The following KIF21B variants were observed in gnomAD, a reference collection of about 807,000 sequenced individuals.
KIF21B encodes the protein kinesin family member 21B.
In KIF21B, 85 loss-of-function variants were observed where a neutral mutation model predicts 192.9. The ratio of observed to expected loss-of-function variants is 0.44; its 90% CI spans 0.37 to 0.53. The LOEUF (loss-of-function observed/expected upper bound fraction) is 0.53. Among genes scored for constraint, KIF21B ranks in the 20% least tolerant of loss-of-function variants. The pLI is 0.00. For missense variants in KIF21B, 1,716 were observed against 2,194.8 expected (o/e 0.78, Z 4.36); for synonymous variants, 832 against 884.6 (o/e 0.94, Z 1.05).
chr1:200,983,548 C>A (rs191314515), intron 27 of KIF21B, among the ~76,000 whole-genome samples: 3 of 152,298 alleles, frequency 2.0e-5, no homozygotes, highest in Admixed American at 2.0e-4. Flanking sequence ...CCAGCAATTC[C>A]TCAGGGGCTC....
intron 1 of KIF21B, among the ~76,000 whole-genome samples, chr1:201,016,564 G>C (rs1658516675): frequency 6.6e-6 from 1 of 152,206 alleles, no homozygotes; most frequent in South Asian, 2.1e-4. Context: ...AGACACCCGG[G>C]GGCTTTTAGC....
chr1:201,008,832 C>G lies in KIF21B; in HGVS notation c.384G>C (p.Lys128Asn). Residue 128 changes from lysine to asparagine, a missense_variant, in exon 3 of 35, where the codon AAG becomes AAC. Lys to Asn is a moderately conservative substitution (Grantham distance 94). This residue lies in a region of KIF21B where 1,087 missense variants were observed against 1,316.6 expected (regional missense o/e 0.83). Coordinates refer to ENST00000461742, the MANE Select transcript of KIF21B (RefSeq NM_001252102.2). ...CCACGCCCTGCTCCTGTGCCCGGCG[C>G]TTGCGCTCGGCAATGCCCCCAAAGA... ...AHLFGGIAER[K>N]RRAQEQGVAG... The G allele has an allele frequency of 2.5e-6, 4 of 1,608,492 alleles. No individual in the cohort carries two copies. Among genetic ancestry groups the G allele is most frequent in the South Asian group, 1.1e-5 (1 of 91,082 alleles).
chr1:200,997,822 C>T (rs1442527208), intron 14 of KIF21B, among the ~76,000 whole-genome samples: 2 of 152,304 alleles, frequency 1.3e-5, no homozygotes, highest in East Asian at 3.9e-4. Context: ...CTATACTTAT[C>T]ACCATTTGAC....
chr1:201,013,977 G>A (rs885027), intron 1 of KIF21B, among the ~76,000 whole-genome samples: 5,611 of 152,240 alleles, frequency 0.037, 224 homozygotes, highest in East Asian at 0.12. Flanking sequence ...CTGCCAGGAG[G>A]GAGGGCCGGC....
chr1:201,000,579 T>C lies in KIF21B; in HGVS notation c.1496A>G (p.Asn499Ser), dbSNP rs1175085100. The part of the protein sequence containing the change: ...RTKLLESEAM[N>S]ESLRRSLSRA... ...TGAGAGGCTGCGGCGCAGGGACTCG[T>C]TCATGGCTTCACTCTCTAGAAGCTT... The change falls in exon 11 of 35, where the codon AAC becomes AGC. Residue 499 changes from asparagine to serine, a missense_variant. Transcript: ENST00000461742. The surrounding 1 kb of genome is among the most constrained non-coding windows in gnomAD (Gnocchi z 6.0). 11 of 1,613,294 alleles carry C rather than the reference T, an allele frequency of 6.8e-6. No individual in the cohort carries two copies. The highest frequency in any genetic ancestry group is 8.5e-6 in the Non-Finnish European group (10 of 1,179,922).
chr1:200,994,163 G>A (rs1656894984), intron 15 of KIF21B, among the ~76,000 whole-genome samples: 2 of 152,240 alleles, frequency 1.3e-5, no homozygotes, highest in Admixed American at 1.3e-4. Flanking sequence ...CAGAGGCAAA[G>A]GTCTCAGAAC....
At chr1:200,973,917 G>A in intron 34 of KIF21B, 1 of 1,495,776 alleles carries the variant, frequency 6.7e-7, no homozygotes, top group Admixed American at 2.2e-5. Context: ...AAAGGACGGT[G>A]GGTGCAGGAG....
rs775683242 is a variant in KIF21B, at chr1:200,975,416, G to C, written c.4614+83C>G. 1.7e-4 allele frequency: 222 copies of C among 1,334,196 alleles called. No individual in the cohort carries two copies. The highest frequency in any genetic ancestry group is 2.2e-4 in the Non-Finnish European group (213 of 959,046). The allele number at this position is 1,334,196 out of a possible 1,614,324, so 82.6% of individuals were successfully genotyped here. On this transcript the variant is annotated intron_variant, in intron 33 of 34. Transcript: ENST00000461742. This position sits in a 1 kb window ranked among gnomAD's most constrained non-coding sequence, Gnocchi z 4.3. ...ATCTGGCCTGGGGCCCGCGAGTCCA[G>C]GTCCCAGGGTCTCCAAGGCCCTGCG...
chr1:201,005,204 G>A (rs1657739606), intron 5 of KIF21B, 104 bp downstream of exon 5: 1 of 1,434,114 alleles, frequency 7.0e-7, no homozygotes, highest in Non-Finnish European at 9.3e-7. Flanking sequence ...GCAGAGGCCA[G>A]CCTCAATCTG....
chr1:200,986,351 C>A (rs1656298357), intron 26 of KIF21B, among the ~76,000 whole-genome samples: 2 of 144,510 alleles, frequency 1.4e-5, no homozygotes, highest in South Asian at 4.3e-4. Flanking sequence ...AATTACATTT[C>A]CTTTTTTTTT....
intron 1 of KIF21B, among the ~76,000 whole-genome samples, chr1:201,018,052 G>A (rs894757678): frequency 6.6e-6 from 1 of 152,152 alleles, no homozygotes; most frequent in African/African-American, 2.4e-5. Context: ...CCAGCCCAGG[G>A]CCCTCTCAGT....
At chr1:201,006,725 CA>C (rs1226126563) in intron 3 of KIF21B, among the ~76,000 whole-genome samples, 1 of 151,276 alleles carries the variant, frequency 6.6e-6, no homozygotes, top group Non-Finnish European at 1.5e-5. Context: ...GGGACAAAAA[CA>C]AAGAGATGTG....
rs1656619310 is a variant in KIF21B at position 200,990,560 on chromosome 1, G to A, written c.2835+16C>T. On this transcript the variant is annotated intron_variant, in intron 19 of 34. Transcript: ENST00000461742. The surrounding 1 kb of genome is among the most constrained non-coding windows in gnomAD (Gnocchi z 5.4). ...CAGAGGGGTGGAATGGAAGAGAAGG[G>A]GGAGGCAGGGCTCACCTTGATGAGC... 1.9e-6 allele frequency: 3 copies of A among 1,612,066 alleles called. No individual in the cohort carries two copies. The highest frequency in any genetic ancestry group is 1.1e-5 in the South Asian group (1 of 90,924).
chr1:201,023,349 G>C lies in KIF21B; in HGVS notation c.35C>G (p.Ala12Gly). 1 of 1,530,774 alleles carries C rather than the reference G, an allele frequency of 6.5e-7. No individual in the cohort carries two copies. 94.8% of individuals were successfully genotyped at this position (1,530,774 alleles called of 1,614,324 possible). ...CCCCGCCCCGGGTCCCTACCTGACG[G>C]CCACCTTGACGCAGCAGTCCCCCTG... ...AGQGDCCVKV[A>G]VRIRPQLSKE... Residue 12 changes from alanine to glycine, a missense_variant, in exon 1 of 35, where the codon GCC (alanine) becomes GGC (glycine). Around this residue, in one of 3 missense-constraint regions of KIF21B, gnomAD observed 1,087 missense variants for 1,316.6 expected, o/e 0.83. Coordinates refer to ENST00000461742, the MANE Select transcript of KIF21B (RefSeq NM_001252102.2). The surrounding 1 kb of genome is among the most constrained non-coding windows in gnomAD (Gnocchi z 5.9).
chr1:201,001,942 A>G (rs1056397599), intron 9 of KIF21B: 4 of 581,664 alleles, frequency 6.9e-6, no homozygotes, highest in African/African-American at 1.9e-5. Flanking sequence ...TTCACTTCAT[A>G]TAGTGATGTA....
intron 1 of KIF21B, among the ~76,000 whole-genome samples, chr1:201,020,573 T>C (rs1255611039): frequency 3.9e-5 from 6 of 152,162 alleles, no homozygotes; most frequent in African/African-American, 1.4e-4. Flanking sequence ...TCCATCTAGC[T>C]GGGGAGGCCA....
chr1:200,973,883 C>T lies in KIF21B; in HGVS notation c.4815-305G>A, dbSNP rs78403160. The stretch of plus-strand genomic sequence containing the variant: ...GCTCCCTGGCACCCATCTCCTGGGG[C>T]CTGTCCCACTGTTCATGCTTGGAAA... On this transcript the variant is annotated intron_variant, in intron 34 of 34. Coordinates refer to ENST00000461742, the MANE Select transcript of KIF21B (RefSeq NM_001252102.2). 0.01 allele frequency: 15,349 copies of T among 1,462,466 alleles called. 640 individuals carry two copies. The East Asian group carries it at 0.12, about 11-fold the overall frequency. The allele number at this position is 1,462,466 out of a possible 1,614,324, so 90.6% of individuals were successfully genotyped here.
rs577295801 is a variant in KIF21B at position 200,969,999 on chromosome 1, G to A, written c.*3522C>T. On this transcript the variant is annotated 3_prime_UTR_variant, in exon 35 of 35. Transcript: ENST00000461742. The stretch of plus-strand genomic sequence containing the variant: ...GCAAAGGGACACATACCACAGGTCC[G>A]GGACACACAGTGGGAAGAAAGTCAC... 2.0e-5 allele frequency: 3 copies of A among 152,674 alleles called. No individual in the cohort carries two copies. The highest frequency in any genetic ancestry group is 4.1e-4 in the South Asian group (2 of 4,832). 9.5% of individuals were successfully genotyped at this position (152,674 alleles called of 1,614,324 possible).
intron 23 of KIF21B, 54 bp from the exon 24 acceptor site, chr1:200,988,407 T>A: frequency 1.2e-6 from 2 of 1,612,216 alleles, no homozygotes; most frequent in Non-Finnish European, 1.7e-6. Flanking sequence ...AAATTCAGGC[T>A]CAGCCCTGGG....
Sources: gnomAD v4.1 joint callset for allele counts (sites outside exome capture counted in the v4.1 genomes callset) on GRCh38, gnomAD v4.1.1 for gene constraint, gnomAD v4.1.1 regional missense constraint, Gnocchi (gnomAD v3.1) non-coding constraint, MANE v1.5 for transcripts, NCBI Gene and HGNC (gene_info 2026-07-23, HGNC 2026-07-21) for gene names.